Variants in COL1A2 observed in about 807,000 individuals in gnomAD.
COL1A2 encodes the protein collagen alpha-2(I) chain.
A neutral mutation model predicts 174.3 loss-of-function variants in COL1A2; 49 were observed. The ratio of observed to expected loss-of-function variants is 0.28; its 90% CI spans 0.22 to 0.36. The LOEUF is 0.36. Among genes scored for constraint, COL1A2 ranks in the 10% least tolerant of loss-of-function variants. The probability of loss-of-function intolerance (pLI) is 1.00; values close to 1 mark genes in which losing one functional copy is unlikely to be tolerated. For synonymous variants in COL1A2, 655 were observed against 606.6 expected (o/e 1.08, Z -1.17); for missense variants, 1,438 against 1,822.7 (o/e 0.79, Z 3.84).
chr7:94,426,283 T>C, intron 45 of COL1A2, 140 bp from the exon 46 acceptor site: 1 of 879,676 alleles, frequency 1.1e-6, no homozygotes, highest in Non-Finnish European at 1.9e-6. Context: ...CTAAAGCAGA[T>C]TACCAGCAGA....
At chr7:94,413,162 T>C (rs759036145) in intron 26 of COL1A2, 26 bp downstream of exon 26, 3 of 1,607,436 alleles carry the variant, frequency 1.9e-6, no homozygotes, top group East Asian at 4.5e-5. Flanking sequence ...TGTACAGATC[T>C]ATTCACATAG....
chr7:94,427,153 C>G, intron 47 of COL1A2, 35 bp from the exon 48 acceptor site: 1 of 1,610,544 alleles, frequency 6.2e-7, no homozygotes, highest in Non-Finnish European at 8.5e-7. Flanking sequence ...GTGGGATTCA[C>G]CAGCTCACAT....
Position 94,414,280 on chromosome 7 carries a change from G to A in COL1A2, c.1719+5G>A, listed in dbSNP as rs749509484. ...GTTGGCAAACCAGGAGAAAGGGTGA[G>A]TAAAACAAGTAATAGTAAGTAGTAA... is the stretch of plus-strand genomic sequence containing the variant. On this transcript the variant is annotated splice_donor_5th_base_variant and intron_variant, in intron 29 of 51. Transcript: ENST00000297268. The A allele has an allele frequency of 6.2e-7, 1 of 1,613,696 alleles. No individual in the cohort carries two copies. The highest frequency in any genetic ancestry group is 1.1e-5 in the South Asian group (1 of 91,052).
Position 94,408,817 on chromosome 7 carries a change from C to A in COL1A2, c.786C>A (p.Gly262=). The change falls in exon 16 of 52, where the codon GGC becomes GGA. Residue 262 remains glycine, a synonymous_variant. Transcript: ENST00000297268. ...AGPPGFPGAP[G]PKGEIGAVGN... ...CTCCAGGCTTCCCAGGTGCCCCTGG[C>A]CCCAAGGTAAAAACACTGGTGACCA... 6.2e-7 allele frequency: 1 copy of A among 1,614,062 alleles called. No individual in the cohort carries two copies. The highest frequency in any genetic ancestry group is 1.1e-5 in the South Asian group (1 of 91,078).
chr7:94,426,721 A>T, intron 46 of COL1A2, 191 bp downstream of exon 46: 1 of 658,500 alleles, frequency 1.5e-6, no homozygotes, highest in Non-Finnish European at 2.7e-6. Context: ...GGATTAAGGG[A>T]GATAGAAATA....
At chr7:94,425,698 G>A (rs1031571467) in intron 43 of COL1A2, 35 bp downstream of exon 43, 2 of 1,614,004 alleles carry the variant, frequency 1.2e-6, no homozygotes, top group Non-Finnish European at 1.7e-6. Context: ...TAATTCAAAA[G>A]TGATTAAAAT....
chr7:94,404,948 C>T (rs2115876437), intron 9 of COL1A2, 56 bp downstream of exon 9: 7 of 1,588,710 alleles, frequency 4.4e-6, no homozygotes, highest in South Asian at 1.1e-5. Flanking sequence ...CTTGCCTCAA[C>T]AAGATTTTCT....
chr7:94,410,942 G>T lies in COL1A2; in HGVS notation c.1251G>T (p.Met417Ile). ...GAGCTGATGGCAGAGCTGGCGTCAT[G>T]GTAAGCTGTCTATCACTTACTTCCT... Reference protein sequence around the residue: ...LPGADGRAGVMGPPGSRGASG... With the variant: ...LPGADGRAGVIGPPGSRGASG... The change falls in exon 22 of 52, where the codon ATG becomes ATT. Residue 417 changes from methionine to isoleucine, a missense_variant and splice_region_variant. Met to Ile is a conservative substitution (Grantham distance 10). This residue lies in a region of COL1A2 where 867 missense variants were observed against 1,213.7 expected (regional missense o/e 0.71). Coordinates refer to ENST00000297268, the MANE Select transcript of COL1A2 (RefSeq NM_000089.4). 6.2e-7 allele frequency: 1 copy of T among 1,613,924 alleles called. No homozygotes were observed. Among genetic ancestry groups the T allele is most frequent in the East Asian group, 2.2e-5 (1 of 44,868 alleles).
rs577435659 is a variant in COL1A2, at chr7:94,422,201, A to C, written c.2403+249A>C. 9.2e-4 allele frequency among the ~76,000 whole-genome samples: 140 copies of C among 151,980 alleles called. 3 individuals carry two copies. The South Asian group carries it at 0.012, about 13-fold the overall frequency. ...TCAGGGGCATGGTCTTTTTGAAAAA[A>C]AAAAAACAAAAAAACGAACAGTTTT... On this transcript the variant is annotated intron_variant, in intron 39 of 51. Coordinates refer to ENST00000297268, the MANE Select transcript of COL1A2 (RefSeq NM_000089.4).
At chr7:94,419,405 G>C in intron 33 of COL1A2, 93 bp from the exon 34 acceptor site, 11 of 1,402,798 alleles carry the variant, frequency 7.8e-6, no homozygotes, top group African/African-American at 1.4e-5. Flanking sequence ...AAAGTGTTCA[G>C]TCACTGTATA....
rs1562908882 is a variant in COL1A2 at position 94,429,373 on chromosome 7, A to G, written c.3897A>G (p.Glu1299=). The change falls in exon 51 of 52, where the codon GAA becomes GAG. Residue 1299 remains glutamate, a synonymous_variant. Transcript: ENST00000297268. ...TTCTACAGGGCTCTAATGATGTTGAACTTGTTGCTGAGGGCAACAGCAGGT... is the reference window on the plus strand; with the variant it reads ...TTCTACAGGGCTCTAATGATGTTGAGCTTGTTGCTGAGGGCAACAGCAGGT... ...AVILQGSNDV[E]LVAEGNSRFT... is the part of the protein sequence containing the mutation. 1 of 1,613,982 alleles carries G rather than the reference A, an allele frequency of 6.2e-7. No homozygotes were observed. The highest frequency in any genetic ancestry group is 8.5e-7 in the Non-Finnish European group (1 of 1,179,896).
chr7:94,428,289 A>T lies in COL1A2; in HGVS notation c.3527-4A>T, dbSNP rs888826541. ...TCATGATCTGAATGTTATTTTCTTA[A>T]AAGGTTACTACTGGATTGACCCTAA... On this transcript the variant is annotated splice_region_variant and splice_polypyrimidine_tract_variant and intron_variant, in intron 49 of 51. Coordinates refer to ENST00000297268, the MANE Select transcript of COL1A2 (RefSeq NM_000089.4). The T allele has an allele frequency of 6.2e-6, 10 of 1,609,866 alleles. No individual in the cohort carries two copies. The highest frequency in any genetic ancestry group is 7.7e-6 in the Non-Finnish European group (9 of 1,176,164).
In COL1A2 at chr7:94,413,742, A is replaced by G. The variant is rs200267911; in HGVS notation, c.1610A>G (p.Gln537Arg). ...GGTGCTCAGGGACCTCCTGGACCAC[A>G]GGTGAGTATTTCTCCCACTCTTGTG... ...NNGAQGPPGP[Q>R]GVQGGKGEQG... Residue 537 changes from glutamine (Q) to arginine (R), a missense_variant and splice_region_variant, in exon 27 of 52, where the codon CAG (glutamine) becomes CGG (arginine). Physicochemically the swap from Gln to Arg is conservative, Grantham distance 43. Transcript: ENST00000297268. 62 of 1,614,202 alleles carry G rather than the reference A, an allele frequency of 3.8e-5. 1 individual carries two copies. The East Asian group carries it at 1.3e-3, about 35-fold the overall frequency.
intron 12 of COL1A2, among the ~76,000 whole-genome samples, chr7:94,407,082 C>A (rs1162492937): frequency 9.9e-5 from 15 of 152,076 alleles, no homozygotes; most frequent in Non-Finnish European, 5.9e-5. Flanking sequence ...CTTTGGAGAC[C>A]CCCTCATTTT....
At position 94,397,621 on chromosome 7, in the gene COL1A2, A is replaced by T. The variant is rs560899239; in HGVS notation, c.71-127A>T. On this transcript the variant is annotated intron_variant, in intron 1 of 51. Coordinates refer to ENST00000297268, the MANE Select transcript of COL1A2 (RefSeq NM_000089.4). ...TAGGTCATTAAAATATTCTTAAAAA[A>T]ATATAATTGGTCCTTAATTAGGTAA... 155 of 566,198 alleles carry T rather than the reference A, an allele frequency of 2.7e-4. 1 individual carries two copies. Among genetic ancestry groups the T allele is most frequent in the South Asian group, 2.4e-3 (108 of 45,568 alleles). 35.1% of individuals were successfully genotyped at this position (566,198 alleles called of 1,614,324 possible).
chr7:94,422,887 A>G (rs1355601471), intron 39 of COL1A2, 70 bp from the exon 40 acceptor site: 12 of 1,567,962 alleles, frequency 7.7e-6, no homozygotes, highest in Admixed American at 1.7e-5. Context: ...AAGATCTAGA[A>G]TCTTTGCTGC....
At position 94,415,192 on chromosome 7, in the gene COL1A2, C is replaced by A. The variant is rs750115793; in HGVS notation, c.1720-34C>A. 4.4e-6 allele frequency: 7 copies of A among 1,600,780 alleles called. No individual in the cohort carries two copies. The Admixed American group carries it at 6.7e-5, about 15-fold the overall frequency. ...CATAAGTGAATTTAGAGATCACACACAGATTTCATGCTTTATTCTCATGTT... is the reference window on the plus strand; with the variant it reads ...CATAAGTGAATTTAGAGATCACACAAAGATTTCATGCTTTATTCTCATGTT... On this transcript the variant is annotated intron_variant, in intron 29 of 51. Coordinates refer to ENST00000297268, the MANE Select transcript of COL1A2 (RefSeq NM_000089.4).
At chr7:94,404,445 C>G (rs2115874366) in intron 6 of COL1A2, 111 bp from the exon 7 acceptor site, 2 of 1,131,178 alleles carry the variant, frequency 1.8e-6, no homozygotes, top group South Asian at 1.3e-5. Flanking sequence ...GGAATAAAAA[C>G]TATGGAATCA....
At chr7:94,426,955 A>T in intron 46 of COL1A2, 53 bp from the exon 47 acceptor site, 2 of 1,506,790 alleles carry the variant, frequency 1.3e-6, no homozygotes, top group South Asian at 1.2e-5. Flanking sequence ...AAAAAAAAAT[A>T]TGTCTCTTGA....
Sources: gnomAD v4.1 joint callset for allele counts (sites outside exome capture counted in the v4.1 genomes callset) on GRCh38, gnomAD v4.1.1 for gene constraint, gnomAD v4.1.1 regional missense constraint, MANE v1.5 for transcripts, NCBI Gene and HGNC (gene_info 2026-07-23, HGNC 2026-07-21) for gene names.